Variants in TTLL5 observed in about 807,000 individuals in gnomAD.
TTLL5 encodes the protein tubulin tyrosine ligase like 5, also known as tubulin polyglutamylase TTLL5.
A neutral mutation model predicts 168.4 loss-of-function variants in TTLL5; 132 were observed. That is an observed-to-expected ratio of 0.78 (90% CI 0.68 to 0.91). TTLL5 has a LOEUF of 0.91. Ranked by LOEUF, TTLL5 falls within the 40% of genes least tolerant of loss-of-function variation. The pLI is 0.00. For missense variants in TTLL5, 1,545 were observed against 1,581.5 expected (o/e 0.98, Z 0.39); for synonymous variants, 546 against 558.6 (o/e 0.98, Z 0.32).
chr14:75,684,567 TCA>T (rs1490731085), intron 5 of TTLL5: 1 of 152,200 alleles, frequency 6.6e-6, no homozygotes, highest in Non-Finnish European at 1.5e-5. Context: ...AGGAAGGAGT[TCA>T]CAGAGTTGAG....
intron 17 of TTLL5, 94 bp downstream of exon 17, chr14:75,745,675 G>A: frequency 1.1e-6 from 1 of 950,648 alleles, no homozygotes; most frequent in Non-Finnish European, 1.6e-6. Context: ...CCCCGATGAT[G>A]CTTTTCTTAT....
chr14:75,715,932 A>G, intron 9 of TTLL5, among the ~76,000 whole-genome samples: 1 of 152,164 alleles, frequency 6.6e-6, no homozygotes, highest in South Asian at 2.1e-4. Flanking sequence ...AAGTTAGATC[A>G]AGTACTTGTA....
chr14:75,733,114 A>G (rs905378388), intron 13 of TTLL5, among the ~76,000 whole-genome samples: 34 of 152,240 alleles, frequency 2.2e-4, no homozygotes, highest in African/African-American at 8.2e-4. Context: ...GAATCAAATA[A>G]AGACAGATTG....
chr14:75,775,702 C>T, intron 22 of TTLL5, 72 bp downstream of exon 22: 1 of 1,542,890 alleles, frequency 6.5e-7, no homozygotes, highest in African/African-American at 1.4e-5. Context: ...ATAGAAGCCT[C>T]TGTCCAACTG....
At position 75,716,389 on chromosome 14, in the gene TTLL5, T is replaced by G. The variant is rs79544846; in HGVS notation, c.741-1472T>G. On this transcript the variant is annotated intron_variant, in intron 9 of 31. Coordinates refer to ENST00000298832, the MANE Select transcript of TTLL5 (RefSeq NM_015072.5). ...TTATTTTAGTTTTTTGGGTTTGGGG[T>G]TTTTTTTCTTTTCACTATTCTTTCT... Among the ~76,000 whole-genome samples, 157 of 152,094 alleles carry G rather than the reference T, an allele frequency of 1.0e-3. 3 individuals carry two copies. In the East Asian group the frequency reaches 0.029, roughly 28 times the overall value.
intron 7 of TTLL5, among the ~76,000 whole-genome samples, chr14:75,700,040 C>G (rs913827937): frequency 6.6e-6 from 1 of 152,112 alleles, no homozygotes; most frequent in Admixed American, 6.5e-5. Context: ...ATGTTTTAAA[C>G]AATAATAGAA....
intron 21 of TTLL5, among the ~76,000 whole-genome samples, chr14:75,773,969 G>GAGAGAA (rs1566598288): frequency 7.9e-6 from 1 of 126,270 alleles, no homozygotes; most frequent in African/African-American, 3.6e-5. Context: ...GAGAGAGAGA[G>GAGAGAA]AGAGAGAGAG....
intron 15 of TTLL5, among the ~76,000 whole-genome samples, chr14:75,738,607 A>G (rs985643256): frequency 1.3e-5 from 2 of 152,202 alleles, no homozygotes; most frequent in African/African-American, 4.8e-5. Flanking sequence ...AGTATTTTAT[A>G]TTTAGTAAAT....
At chr14:75,715,822 G>C (rs553567232) in intron 9 of TTLL5, among the ~76,000 whole-genome samples, 5 of 146,408 alleles carry the variant, frequency 3.4e-5, no homozygotes, top group African/African-American at 1.3e-4. Flanking sequence ...TTTTTTTTTA[G>C]ATGTGCAGCC....
At chr14:75,886,039 T>C (rs1052559929) in intron 30 of TTLL5, among the ~76,000 whole-genome samples, 3 of 152,190 alleles carry the variant, frequency 2.0e-5, no homozygotes, top group African/African-American at 7.2e-5. Flanking sequence ...TTATGACTGG[T>C]GATACTGAGT....
intron 14 of TTLL5, 58 bp downstream of exon 14, chr14:75,734,108 T>G: frequency 6.4e-7 from 1 of 1,554,464 alleles, no homozygotes; most frequent in Non-Finnish European, 8.9e-7. Context: ...AGCGTCCATT[T>G]TATCAGACTC....
intron 31 of TTLL5, among the ~76,000 whole-genome samples, chr14:75,944,228 G>A (rs2034699948): frequency 6.6e-6 from 1 of 152,168 alleles, no homozygotes; most frequent in Admixed American, 6.6e-5. Context: ...GGTGCCATGT[G>A]ACTTGGATAC....
intron 9 of TTLL5, chr14:75,709,447 A>C (rs1886897735): frequency 2.3e-6 from 1 of 437,902 alleles, no homozygotes; most frequent in African/African-American, 1.9e-5. Context: ...TTCTTAACTG[A>C]GATTTTGAGT....
chr14:75,869,503 G>A (rs2139974231), intron 29 of TTLL5, among the ~76,000 whole-genome samples: 1 of 152,198 alleles, frequency 6.6e-6, no homozygotes, highest in Middle Eastern at 3.4e-3. Context: ...TTCTCAGGAT[G>A]TGATATTGAT....
intron 29 of TTLL5, among the ~76,000 whole-genome samples, chr14:75,866,378 A>G (rs2030520662): frequency 6.6e-6 from 1 of 152,162 alleles, no homozygotes; most frequent in Non-Finnish European, 1.5e-5. Context: ...TCATTTCTCT[A>G]AAGTGTAGGG....
intron 31 of TTLL5, among the ~76,000 whole-genome samples, chr14:75,923,558 C>G (rs2033901308): frequency 6.6e-6 from 1 of 152,192 alleles, no homozygotes; most frequent in Admixed American, 6.5e-5. Flanking sequence ...AATTTGATTG[C>G]ACTGTGATCC....
intron 4 of TTLL5, among the ~76,000 whole-genome samples, chr14:75,682,260 G>C (rs1425308952): frequency 6.6e-6 from 1 of 151,840 alleles, no homozygotes; most frequent in East Asian, 1.9e-4. Flanking sequence ...AGCAGAATCA[G>C]AGAAAAAGCT....
intron 5 of TTLL5, among the ~76,000 whole-genome samples, chr14:75,686,902 G>T (rs1414139937): frequency 1.3e-5 from 2 of 151,968 alleles, no homozygotes; most frequent in Non-Finnish European, 2.9e-5. Flanking sequence ...AAACACACAG[G>T]GGTCCTAAAA....
At chr14:75,823,756 A>G (rs976035420) in intron 28 of TTLL5, among the ~76,000 whole-genome samples, 1 of 152,202 alleles carries the variant, frequency 6.6e-6, no homozygotes, top group Admixed American at 6.5e-5. Context: ...CATTGTGGGC[A>G]TGGGCTGCTC....
Sources: allele counts gnomAD v4.1 joint callset (sites outside exome capture counted in the v4.1 genomes callset), GRCh38; gene constraint gnomAD v4.1.1; transcripts MANE v1.5; gene names NCBI Gene and HGNC (gene_info 2026-07-23, HGNC 2026-07-21).